CTNNA3: variants seen among roughly 807,000 people sequenced by gnomAD.
CTNNA3 encodes the protein catenin alpha-3.
A neutral mutation model predicts 95.7 loss-of-function variants in CTNNA3; 76 were observed. The ratio of observed to expected loss-of-function variants is 0.79; its 90% CI spans 0.66 to 0.96. The LOEUF (loss-of-function observed/expected upper bound fraction) is 0.96. CTNNA3 is among the 40% of genes least tolerant of loss of function. The pLI is 0.00. For missense variants in CTNNA3, 1,191 were observed against 1,089.8 expected, an observed-to-expected ratio of 1.09 and a Z score of -1.31; for synonymous variants, 431 against 374.4, an observed-to-expected ratio of 1.15 and a Z score of -1.74.
chr10:66,942,716 C>G (rs1373134729), intron 7 of CTNNA3, among the ~76,000 whole-genome samples: 1 of 151,952 alleles, frequency 6.6e-6, no homozygotes, highest in Non-Finnish European at 1.5e-5. Context: ...TTCCCATACT[C>G]AGCACTCAAG....
chr10:67,248,931 A>G (rs1866005057), intron 5 of CTNNA3, among the ~76,000 whole-genome samples: 1 of 152,182 alleles, frequency 6.6e-6, no homozygotes, highest in South Asian at 2.1e-4. Context: ...GCAAAAATTC[A>G]AAAAATTGCA....
At chr10:66,559,653 A>G (rs2660022) in intron 10 of CTNNA3, among the ~76,000 whole-genome samples, 150,987 of 151,946 alleles carry the variant, frequency 0.99, 75,023 homozygotes, top group Middle Eastern at 1. Context: ...CTCGGGTATC[A>G]CGACAGACTT....
At chr10:66,245,223 G>A (rs1334634721) in intron 13 of CTNNA3, among the ~76,000 whole-genome samples, 4 of 152,310 alleles carry the variant, frequency 2.6e-5, no homozygotes, top group South Asian at 4.1e-4. Context: ...GCAAGGCATA[G>A]TTGAACCAGG....
At chr10:66,066,498 G>A (rs1265817666) in intron 15 of CTNNA3, among the ~76,000 whole-genome samples, 2 of 152,116 alleles carry the variant, frequency 1.3e-5, no homozygotes, top group African/African-American at 4.8e-5. Context: ...ATCTTTGCCT[G>A]CAGAAATTGA....
chr10:67,280,687 C>A (rs561043302), intron 5 of CTNNA3, among the ~76,000 whole-genome samples: 1 of 152,188 alleles, frequency 6.6e-6, no homozygotes, highest in Admixed American at 6.5e-5. Context: ...GCATTGCAGG[C>A]ATGCCCAGGC....
intron 6 of CTNNA3, among the ~76,000 whole-genome samples, chr10:67,214,095 G>A (rs1350473247): frequency 6.6e-6 from 1 of 151,674 alleles, no homozygotes; most frequent in Non-Finnish European, 1.5e-5. Context: ...TTTTGTCTTT[G>A]GAGAGTTTAG....
At chr10:66,167,973 C>T (rs1018483950) in intron 13 of CTNNA3, among the ~76,000 whole-genome samples, 1 of 152,132 alleles carries the variant, frequency 6.6e-6, no homozygotes, top group Non-Finnish European at 1.5e-5. Flanking sequence ...AGCATAGATG[C>T]AATCATGGGT....
At chr10:67,273,523 T>C (rs1839066567) in intron 5 of CTNNA3, among the ~76,000 whole-genome samples, 1 of 151,946 alleles carries the variant, frequency 6.6e-6, no homozygotes, top group Non-Finnish European at 1.5e-5. Context: ...AGTGTGACCA[T>C]TTCTTATAAA....
rs182636853 is a variant in CTNNA3, at chr10:67,415,203, G to A, written c.579+106639C>T. The stretch of plus-strand genomic sequence containing the variant: ...AATAAAAGGAATTTGAAAAAGAAAA[G>A]AAGAAGTCAAACTCTTTTCACTGAC... On this transcript the variant is annotated intron_variant, in intron 5 of 17. Transcript: ENST00000433211. 4.1e-3 allele frequency among the ~76,000 whole-genome samples: 631 copies of A among 152,216 alleles called. 8 individuals carry two copies. The highest frequency in any genetic ancestry group is 0.014 in the African/African-American group (578 of 41,530).
chr10:66,764,319 ATCAT>A (rs1839752859), intron 9 of CTNNA3, among the ~76,000 whole-genome samples: 1 of 152,172 alleles, frequency 6.6e-6, no homozygotes, highest in African/African-American at 2.4e-5. Context: ...ACAGTAAACC[ATCAT>A]TTGGTATAAG....
intron 13 of CTNNA3, among the ~76,000 whole-genome samples, chr10:66,162,323 G>A (rs770022661): frequency 3.3e-5 from 5 of 151,992 alleles, no homozygotes; most frequent in Non-Finnish European, 7.4e-5. Context: ...GGTCTTTTTC[G>A]TCTGGGTAGG....
intron 2 of CTNNA3, among the ~76,000 whole-genome samples, chr10:67,646,186 C>CTTTTTTTTTTTT (rs57780349): frequency 7.4e-6 from 1 of 134,664 alleles, no homozygotes. Context: ...GTTTTTCTTT[C>CTTTTTTTTTTTT]TTTTTTTTTT....
At chr10:66,926,698 A>T in intron 7 of CTNNA3, 1 of 1,281,798 alleles carries the variant, frequency 7.8e-7, no homozygotes, top group Non-Finnish European at 1.1e-6. Flanking sequence ...GCTCTGCTCT[A>T]AGACTATGAA....
chr10:66,275,002 G>C (rs989617960), intron 13 of CTNNA3, among the ~76,000 whole-genome samples: 3 of 152,088 alleles, frequency 2.0e-5, no homozygotes, highest in Non-Finnish European at 4.4e-5. Context: ...CTGTGATATA[G>C]TCTACTTTAT....
chr10:66,368,971 A>T (rs1204094316), intron 12 of CTNNA3, among the ~76,000 whole-genome samples: 1 of 152,162 alleles, frequency 6.6e-6, no homozygotes, highest in Admixed American at 6.6e-5. Flanking sequence ...TGATACTTTT[A>T]AAAATCCCTA....
At chr10:66,015,097 G>C (rs2079068491) in intron 15 of CTNNA3, among the ~76,000 whole-genome samples, 1 of 132,092 alleles carries the variant, frequency 7.6e-6, no homozygotes, top group South Asian at 2.8e-4. Flanking sequence ...GCGAGACTCT[G>C]TCTCAAAAAA....
chr10:66,283,034 A>G (rs1190793157), intron 12 of CTNNA3, among the ~76,000 whole-genome samples: 1 of 151,938 alleles, frequency 6.6e-6, no homozygotes, highest in African/African-American at 2.4e-5. Context: ...ATGCAGGCTT[A>G]TAGGAACATT....
intron 7 of CTNNA3, among the ~76,000 whole-genome samples, chr10:67,101,951 G>A (rs545365961): frequency 8.9e-4 from 94 of 105,356 alleles, no homozygotes; most frequent in African/African-American, 4.6e-3. Context: ...GTATGTCAGA[G>A]CATGCGAAAG....
chr10:66,802,955 T>C (rs1025427579), intron 7 of CTNNA3, among the ~76,000 whole-genome samples: 1 of 152,002 alleles, frequency 6.6e-6, no homozygotes, highest in Non-Finnish European at 1.5e-5. Flanking sequence ...TGAGGGGTTG[T>C]GGTGTATAAG....
Sources: gnomAD v4.1 joint callset for allele counts (sites outside exome capture counted in the v4.1 genomes callset) on GRCh38, gnomAD v4.1.1 for gene constraint, MANE v1.5 for transcripts, NCBI Gene and HGNC (gene_info 2026-07-23, HGNC 2026-07-21) for gene names.